CAMTA1: variants seen among roughly 807,000 people sequenced by gnomAD.
CAMTA1 encodes calmodulin-binding transcription activator 1.
A neutral mutation model predicts 170.9 loss-of-function variants in CAMTA1; 27 were observed. The observed-to-expected ratio is 0.16, with a 90% CI of 0.12 to 0.22. The LOEUF (loss-of-function observed/expected upper bound fraction) is 0.22, where lower values mean the gene tolerates loss of function less well. CAMTA1 is among the 10% of genes least tolerant of loss of function. The pLI, the probability that CAMTA1 is intolerant of heterozygous loss-of-function variation, is 1.00. For synonymous variants in CAMTA1, 833 were observed against 891.5 expected, an observed-to-expected ratio of 0.93 and a Z score of 1.17; for missense variants, 1,619 against 2,217.2, an observed-to-expected ratio of 0.73 and a Z score of 5.42.
intron 6 of CAMTA1, among the ~76,000 whole-genome samples, chr1:7,504,468 C>T (rs565642408): frequency 6.6e-6 from 1 of 152,344 alleles, no homozygotes; most frequent in Admixed American, 6.5e-5. Flanking sequence ...GCCTTCTCAG[C>T]CTCGGGCAGG....
chr1:7,565,925 GGA>G lies in CAMTA1; in HGVS notation c.511-74452_511-74451del, dbSNP rs112929831. Among the ~76,000 whole-genome samples, 39 of 148,500 alleles carry G rather than the reference GGA, an allele frequency of 2.6e-4. No homozygotes were observed. The highest frequency in any genetic ancestry group is 7.0e-3 in the Middle Eastern group (2 of 284). Reference sequence around the variant, plus strand: ...TTCTCGCTGTGTCCTCACATAGTAGGGAGAGAGAGAGAGAGAGAGAGAGAATC... The same window carrying G: ...TTCTCGCTGTGTCCTCACATAGTAGGGAGAGAGAGAGAGAGAGAGAGAATC... On this transcript the variant is annotated intron_variant, in intron 6 of 22. Transcript: ENST00000303635. The surrounding 1 kb of genome is among the most constrained non-coding windows in gnomAD (Gnocchi z 4.5).
At chr1:6,993,119 G>A (rs1696654534) in intron 3 of CAMTA1, among the ~76,000 whole-genome samples, 1 of 152,144 alleles carries the variant, frequency 6.6e-6, no homozygotes, top group Non-Finnish European at 1.5e-5. Context: ...TCACTGTCTT[G>A]ATTATTGGAG....
intron 5 of CAMTA1, among the ~76,000 whole-genome samples, chr1:7,429,646 G>A (rs148569175): frequency 6.6e-6 from 1 of 152,258 alleles, no homozygotes; most frequent in Non-Finnish European, 1.5e-5. Flanking sequence ...TGATGGTGAT[G>A]ACAGTGCTGA....
At chr1:6,836,802 C>T (rs536811741) in intron 3 of CAMTA1, among the ~76,000 whole-genome samples, 4 of 152,220 alleles carry the variant, frequency 2.6e-5, no homozygotes, top group South Asian at 2.1e-4. Context: ...CTAGAAAAGG[C>T]GGCCACCTCT....
intron 11 of CAMTA1, among the ~76,000 whole-genome samples, chr1:7,729,443 G>GC (rs1356174652): frequency 1.2e-4 from 18 of 152,296 alleles, no homozygotes; most frequent in African/African-American, 3.8e-4. Context: ...TTCTTAAAAA[G>GC]CAACCTTCCT....
At chr1:7,589,050 C>T (rs2095334405) in intron 6 of CAMTA1, among the ~76,000 whole-genome samples, 1 of 152,222 alleles carries the variant, frequency 6.6e-6, no homozygotes, top group African/African-American at 2.4e-5. Context: ...CTTCCATTAG[C>T]ATTCGTTTCC....
intron 5 of CAMTA1, among the ~76,000 whole-genome samples, chr1:7,315,450 G>C (rs533767235): frequency 9.2e-5 from 14 of 152,328 alleles, no homozygotes; most frequent in Admixed American, 7.8e-4. Context: ...ATGTAGACTG[G>C]TTCAGCAGCT....
chr1:6,806,833 A>G, intron 1 of CAMTA1: 1 of 394,988 alleles, frequency 2.5e-6, no homozygotes, highest in East Asian at 3.6e-5. Context: ...TTGTGACATT[A>G]AAATTTATAT....
intron 5 of CAMTA1, among the ~76,000 whole-genome samples, chr1:7,347,213 C>G (rs1024689518): frequency 1.3e-4 from 20 of 152,224 alleles, no homozygotes; most frequent in Non-Finnish European, 2.6e-4. Flanking sequence ...GCACACATCA[C>G]TGGCCTGTCC....
chr1:6,930,723 C>T (rs147847683), intron 3 of CAMTA1, among the ~76,000 whole-genome samples: 2,235 of 152,312 alleles, frequency 0.015, 45 homozygotes, highest in African/African-American at 0.051. Context: ...ATTTGGCTGT[C>T]CCCTGAACCC....
At chr1:7,706,970 T>C (rs2096531169) in intron 11 of CAMTA1, among the ~76,000 whole-genome samples, 1 of 142,688 alleles carries the variant, frequency 7.0e-6, no homozygotes, top group African/African-American at 2.6e-5. Flanking sequence ...CACCACAACC[T>C]GCACCTCCCG....
chr1:7,527,620 G>A (rs1232284962), intron 6 of CAMTA1, among the ~76,000 whole-genome samples: 1 of 152,242 alleles, frequency 6.6e-6, no homozygotes, highest in African/African-American at 2.4e-5. Flanking sequence ...CAGCTGACCT[G>A]GGGCCTTGTA....
At chr1:7,636,434 C>T (rs569386047) in intron 6 of CAMTA1, among the ~76,000 whole-genome samples, 9 of 152,270 alleles carry the variant, frequency 5.9e-5, no homozygotes, top group South Asian at 2.1e-4. Flanking sequence ...AAAGGCTTCC[C>T]GGCCGGGTGC....
At chr1:7,017,749 C>T (rs1325089038) in intron 3 of CAMTA1, among the ~76,000 whole-genome samples, 1 of 152,172 alleles carries the variant, frequency 6.6e-6, no homozygotes, top group African/African-American at 2.4e-5. Flanking sequence ...ACCAAGTGCC[C>T]CAGAAACATG....
intron 6 of CAMTA1, among the ~76,000 whole-genome samples, chr1:7,476,949 C>T (rs1368398994): frequency 6.6e-6 from 1 of 152,190 alleles, no homozygotes; most frequent in Non-Finnish European, 1.5e-5. Flanking sequence ...CCGCAGCCCC[C>T]GCCATGCAGA....
At chr1:7,470,641 G>A (rs1188979356) in intron 6 of CAMTA1, among the ~76,000 whole-genome samples, 1 of 152,270 alleles carries the variant, frequency 6.6e-6, no homozygotes, top group East Asian at 1.9e-4. Context: ...TGCAGGGGGT[G>A]AGCCTTCTAG....
intron 5 of CAMTA1, among the ~76,000 whole-genome samples, chr1:7,261,882 G>A (rs141942563): frequency 6.6e-6 from 1 of 152,214 alleles, no homozygotes; most frequent in Non-Finnish European, 1.5e-5. Flanking sequence ...TCAGACAGAG[G>A]TTAAATACTG....
intron 6 of CAMTA1, among the ~76,000 whole-genome samples, chr1:7,471,631 G>C (rs1322327291): frequency 6.6e-6 from 1 of 152,258 alleles, no homozygotes; most frequent in Non-Finnish European, 1.5e-5. Flanking sequence ...AGTGGGTCAG[G>C]GGAGGAGCAG....
intron 4 of CAMTA1, among the ~76,000 whole-genome samples, chr1:7,205,747 G>T (rs927676725): frequency 2.6e-5 from 4 of 152,002 alleles, no homozygotes; most frequent in Admixed American, 6.5e-5. Context: ...TTCTTTTACT[G>T]TGTGTGTATT....
Sources: gnomAD v4.1 joint callset for allele counts (sites outside exome capture counted in the v4.1 genomes callset) on GRCh38, gnomAD v4.1.1 for gene constraint, Gnocchi (gnomAD v3.1) non-coding constraint, MANE v1.5 for transcripts, NCBI Gene and HGNC (gene_info 2026-07-23, HGNC 2026-07-21) for gene names.